CRLF3: variants seen among roughly 807,000 people sequenced by gnomAD.
CRLF3 encodes cytokine receptor-like factor 3.
CRLF3 carries 33 observed loss-of-function variants against 55.0 expected under a neutral mutation model. The observed-to-expected ratio is 0.60, with a 90% CI of 0.46 to 0.80. The LOEUF (loss-of-function observed/expected upper bound fraction) is 0.80. Ranked by LOEUF, CRLF3 falls within the 30% of genes least tolerant of loss-of-function variation. The pLI, the probability that CRLF3 is intolerant of heterozygous loss-of-function variation, is 0.00. For synonymous variants in CRLF3, 238 were observed against 196.8 expected, an observed-to-expected ratio of 1.21 and a Z score of -1.75; for missense variants, 494 against 538.4, an observed-to-expected ratio of 0.92 and a Z score of 0.82.
chr17:30,812,105 G>A (rs1002180664), intron 1 of CRLF3, among the ~76,000 whole-genome samples: 1 of 150,688 alleles, frequency 6.6e-6, no homozygotes, highest in African/African-American at 2.4e-5. Flanking sequence ...GCGAGACTCC[G>A]TCTAAAAAAA....
intron 1 of CRLF3, among the ~76,000 whole-genome samples, chr17:30,808,273 C>CT (rs1904483032): frequency 7.4e-6 from 1 of 134,748 alleles, no homozygotes; most frequent in African/African-American, 2.8e-5. Flanking sequence ...CCCCTAGAAC[C>CT]TATATTTTTT....
intron 6 of CRLF3, chr17:30,790,606 C>CTTTTTTTTTT (rs573997612): frequency 1.1e-4 from 8 of 75,660 alleles, no homozygotes; most frequent in African/African-American, 3.6e-4. Context: ...AATTTTTTTG[C>CTTTTTTTTTT]TTTTTTTTTT....
chr17:30,816,731 T>C (rs7212991), intron 1 of CRLF3, among the ~76,000 whole-genome samples: 19,267 of 151,964 alleles, frequency 0.13, 1,293 homozygotes, highest in South Asian at 0.25. Flanking sequence ...GCTCGAGATC[T>C]TCCCGTCTTG....
intron 1 of CRLF3, among the ~76,000 whole-genome samples, chr17:30,823,090 C>T (rs543045151): frequency 2.0e-5 from 3 of 150,026 alleles, no homozygotes; most frequent in South Asian, 4.4e-4. Context: ...CCCGGCCGGG[C>T]GCGGTGGCTC....
At chr17:30,803,653 A>C in intron 2 of CRLF3, 1 of 450,998 alleles carries the variant, frequency 2.2e-6, no homozygotes, top group Non-Finnish European at 4.0e-6. Flanking sequence ...GGTAGTGAAT[A>C]ACTCTCATGA....
At chr17:30,785,086 T>A (rs1306650502) in intron 7 of CRLF3, 4 of 15,876 alleles carry the variant, frequency 2.5e-4, no homozygotes, top group Non-Finnish European at 5.5e-4. Context: ...TGCTAGTGAA[T>A]TTTTTTTTTT....
intron 2 of CRLF3, 51 bp downstream of exon 2, chr17:30,803,850 A>G: frequency 7.7e-7 from 1 of 1,293,348 alleles, no homozygotes; most frequent in Non-Finnish European, 1.1e-6. Flanking sequence ...CTTTATCAGC[A>G]GTGTGAAAAT....
At chr17:30,813,511 G>A (rs150772390) in intron 1 of CRLF3, among the ~76,000 whole-genome samples, 214 of 152,256 alleles carry the variant, frequency 1.4e-3, no homozygotes, top group Non-Finnish European at 1.4e-3. Flanking sequence ...TCAGTTGGAG[G>A]AGCAGGGGAT....
At chr17:30,818,149 A>G (rs980921742) in intron 1 of CRLF3, among the ~76,000 whole-genome samples, 39 of 151,714 alleles carry the variant, frequency 2.6e-4, no homozygotes, top group Non-Finnish European at 4.9e-4. Context: ...AATCCCAAGT[A>G]CTCAGGAGGC....
intron 1 of CRLF3, among the ~76,000 whole-genome samples, chr17:30,812,108 T>TA (rs1022819445): frequency 6.8e-5 from 10 of 146,512 alleles, no homozygotes; most frequent in Admixed American, 3.4e-4. Context: ...AGACTCCGTC[T>TA]AAAAAAAAAA....
At chr17:30,815,080 CTTTCTTT>C (rs1567668325) in intron 1 of CRLF3, among the ~76,000 whole-genome samples, 3 of 142,552 alleles carry the variant, frequency 2.1e-5, no homozygotes, top group Non-Finnish European at 3.1e-5. Context: ...TTTTTTCTTT[CTTTCTTT>C]TTTTTTTTTT....
Position 30,784,309 on chromosome 17 carries a change from G to C in CRLF3, c.1207C>G (p.Arg403Gly). 6.2e-7 allele frequency: 1 copy of C among 1,614,162 alleles called. No individual in the cohort carries two copies. Reference protein sequence around the residue: ...SNNEGGHFKLRVTISSNNREV... With the variant: ...SNNEGGHFKLGVTISSNNREV... ...CTATTATTTGAACTTATAGTTACTC[G>C]AAGCTTGAAGTGTCCACCTTCATTA... The change falls in exon 8 of 8, where the codon CGA (arginine) becomes GGA (glycine). Residue 403 changes from arginine (R) to glycine (G), a missense_variant. Arg to Gly is a moderately radical substitution (Grantham distance 125). Transcript: ENST00000324238.
rs370950768 is a variant in CRLF3, at chr17:30,792,486, A to G, written c.913T>C (p.Tyr305His). ...CAGAAATAAGTCGGAGCTCTGGAGT[A>G]GAGAACACCCGATGATTCAGAATCG... ...RNDSESSGVL[Y>H]SRAPTYFCGQ... is the part of the protein sequence containing the mutation. Residue 305 changes from tyrosine (Y) to histidine (H), a missense_variant, in exon 6 of 8, where the codon TAC becomes CAC. Physicochemically the swap from Tyr to His is moderately conservative, Grantham distance 83. Transcript: ENST00000324238. The G allele has an allele frequency of 1.2e-6, 2 of 1,612,916 alleles. No individual in the cohort carries two copies. Among genetic ancestry groups the G allele is most frequent in the Non-Finnish European group, 1.7e-6 (2 of 1,178,902 alleles).
At chr17:30,811,803 CAAAAAAAAAAA>C (rs915710879) in intron 1 of CRLF3, among the ~76,000 whole-genome samples, 3 of 27,752 alleles carry the variant, frequency 1.1e-4, no homozygotes, top group South Asian at 1.9e-3. Context: ...GACTCTGTCT[CAAAAAAAAAAA>C]AAAAAAAAAA....
rs183172806 is a variant in CRLF3, at chr17:30,822,668, A to T, written c.129+1855T>A. On this transcript the variant is annotated intron_variant, in intron 1 of 7. Coordinates refer to ENST00000324238, the MANE Select transcript of CRLF3 (RefSeq NM_015986.4). ...ATACAGGTTTGAAAATTGAATACTG[A>T]ACCATCTAGGGTGTAATCACGATTT... is the stretch of plus-strand genomic sequence containing the variant. Among the ~76,000 whole-genome samples, 403 of 152,350 alleles carry T rather than the reference A, an allele frequency of 2.6e-3. 5 individuals are homozygous for T. Among genetic ancestry groups the T allele is most frequent in the African/African-American group, 9.0e-3 (375 of 41,578 alleles).
chr17:30,795,353 C>G (rs1418970834), intron 4 of CRLF3, among the ~76,000 whole-genome samples: 1 of 151,728 alleles, frequency 6.6e-6, no homozygotes, highest in East Asian at 1.9e-4. Flanking sequence ...CAAACTTAGC[C>G]AGGTGTGGTG....
intron 1 of CRLF3, among the ~76,000 whole-genome samples, chr17:30,814,730 G>A (rs1730995743): frequency 6.6e-6 from 1 of 151,106 alleles, no homozygotes; most frequent in African/African-American, 2.4e-5. Context: ...TGCCGGGCAT[G>A]GTGGCTCATG....
At chr17:30,800,297 T>A (rs1013338292) in intron 2 of CRLF3, among the ~76,000 whole-genome samples, 17 of 152,186 alleles carry the variant, frequency 1.1e-4, no homozygotes, top group African/African-American at 3.9e-4. Flanking sequence ...TAGATTCAGA[T>A]TTGATATATA....
chr17:30,782,983 C>T lies in CRLF3; in HGVS notation c.*1204G>A, dbSNP rs1971531099. The T allele has an allele frequency of 6.6e-6, 1 of 151,860 alleles. No individual in the cohort carries two copies. The highest frequency in any genetic ancestry group is 2.4e-5 in the African/African-American group (1 of 41,322). 9.4% of individuals were successfully genotyped at this position (151,860 alleles called of 1,614,324 possible). A position where few individuals can be genotyped will look rare whatever the true frequency, so the allele number is the denominator to read the frequency against. On this transcript the variant is annotated 3_prime_UTR_variant, in exon 8 of 8. Transcript: ENST00000324238. ...GACAATTATTTTTACATATTAAAGT[C>T]CTTCAAATAAATATTTTACACACAA...
Sources: gnomAD v4.1 joint callset for allele counts (sites outside exome capture counted in the v4.1 genomes callset) on GRCh38, gnomAD v4.1.1 for gene constraint, MANE v1.5 for transcripts, NCBI Gene and HGNC (gene_info 2026-07-23, HGNC 2026-07-21) for gene names.